The following NLRP4 variants were observed in gnomAD, a reference collection of about 807,000 sequenced individuals.
The protein encoded by NLRP4 is NACHT, LRR and PYD domains-containing protein 4.
In NLRP4, 44 loss-of-function variants were observed where a neutral mutation model predicts 84.7. The ratio of observed to expected loss-of-function variants is 0.52; its 90% CI spans 0.41 to 0.67. The LOEUF (loss-of-function observed/expected upper bound fraction) is 0.67. NLRP4 is among the 30% of genes least tolerant of loss of function. NLRP4 has a pLI of 0.00. For synonymous variants in NLRP4, 544 were observed against 476.4 expected (o/e 1.14, Z -1.85); for missense variants, 1,260 against 1,219.4 (o/e 1.03, Z -0.50).
chr19:55,866,901 G>A (rs1984976278), intron 5 of NLRP4, among the ~76,000 whole-genome samples: 1 of 152,128 alleles, frequency 6.6e-6, no homozygotes, highest in African/African-American at 2.4e-5. Context: ...GGACCCTTGT[G>A]GATCATGTTG....
chr19:55,858,556 C>A lies in NLRP4; in HGVS notation c.1163C>A (p.Pro388Gln), dbSNP rs756893701. 2 of 1,614,106 alleles carry A rather than the reference C, an allele frequency of 1.2e-6. No homozygotes were observed. Among genetic ancestry groups the A allele is most frequent in the Admixed American group, 1.7e-5 (1 of 60,014 alleles). The change falls in exon 3 of 10, where the codon CCG (proline) becomes CAG (glutamine). Residue 388 changes from proline (P) to glutamine (Q), a missense_variant. Pro to Gln is a moderately conservative substitution (Grantham distance 76). Transcript: ENST00000301295. The surrounding 1 kb of genome is among the most constrained non-coding windows in gnomAD (Gnocchi z 4.2). ...TTCACACCTGAGGGTGCCGAGGGCCCGACTCCGCAAACCCAGCACCAGCTG... is the reference window on the plus strand; with the variant it reads ...TTCACACCTGAGGGTGCCGAGGGCCAGACTCCGCAAACCCAGCACCAGCTG... Reference protein sequence around the residue: ...NLFTPEGAEGPTPQTQHQLKA... With the variant: ...NLFTPEGAEGQTPQTQHQLKA...
intron 1 of NLRP4, among the ~76,000 whole-genome samples, chr19:55,850,003 T>G (rs1416414023): frequency 8.1e-5 from 3 of 37,016 alleles, no homozygotes; most frequent in East Asian, 8.8e-4. Flanking sequence ...GACTGCGGTG[T>G]GATTTCCGAG....
At chr19:55,856,200 AC>A (rs1600228200) in intron 2 of NLRP4, among the ~76,000 whole-genome samples, 1 of 151,582 alleles carries the variant, frequency 6.6e-6, no homozygotes, top group East Asian at 2.0e-4. Flanking sequence ...CACCATGTTG[AC>A]CAGGCTGGTC....
chr19:55,850,820 G>GTGTAATTCCCGAGGCTGCGC (rs1984085394), intron 1 of NLRP4, among the ~76,000 whole-genome samples: 3 of 115,442 alleles, frequency 2.6e-5, no homozygotes, highest in South Asian at 2.7e-4. Context: ...CGAGGCTGCG[G>GTGTAATTCCCGAGGCTGCGC]TGTAATGTCC....
rs1985397755 is a variant in NLRP4, at chr19:55,877,001, T to C, written c.2531T>C (p.Val844Ala). 1.9e-6 allele frequency: 3 copies of C among 1,613,240 alleles called. No homozygotes were observed. The highest frequency in any genetic ancestry group is 1.7e-5 in the Admixed American group (1 of 59,998). Residue 844 changes from valine (V) to alanine (A), a missense_variant, in exon 8 of 10, where the codon GTA becomes GCA. By Grantham distance (64) the Val-to-Ala change is moderately conservative. This residue lies in a region of NLRP4 where 544 missense variants were observed against 531.7 expected (regional missense o/e 1.02). Transcript: ENST00000301295. Reference sequence around the variant, plus strand: ...GTACCCTTACTCCTTTGCAGTTTGGTAAAATGTTTTATCACTGCTGCTGGC... The same window carrying C: ...GTACCCTTACTCCTTTGCAGTTTGGCAAAATGTTTTATCACTGCTGCTGGC... ...PDCCLDSLCL[V>A]KCFITAAGCE... is the part of the protein sequence containing the mutation.
chr19:55,850,000 G>C (rs1282702797), intron 1 of NLRP4, among the ~76,000 whole-genome samples: 132 of 37,088 alleles, frequency 3.6e-3, no homozygotes, highest in African/African-American at 6.3e-3. Context: ...CGAGACTGCG[G>C]TGTGATTTCC....
rs1568658403 is a variant in NLRP4, at chr19:55,850,018, CGGTGTG to C, written c.-65-1997_-65-1992del. On this transcript the variant is annotated intron_variant, in intron 1 of 9. Coordinates refer to ENST00000301295, the MANE Select transcript of NLRP4 (RefSeq NM_134444.5). Reference sequence around the variant, plus strand: ...GACTGCGGTGTGATTTCCGAGACTGCGGTGTGATTTCCGAGACTGCGGTGTGATTTC... The same window carrying C: ...GACTGCGGTGTGATTTCCGAGACTGCATTTCCGAGACTGCGGTGTGATTTC... Among the ~76,000 whole-genome samples the C allele has an allele frequency of 4.9e-5, 6 of 123,180 alleles. 2 individuals are homozygous for C. The highest frequency in any genetic ancestry group is 2.2e-4 in the African/African-American group (5 of 22,856). The allele number at this position is 123,180 out of a possible 152,430, so 80.8% of individuals were successfully genotyped here. A position where few individuals can be genotyped will look rare whatever the true frequency, so the allele number is the denominator to read the frequency against.
intron 1 of NLRP4, among the ~76,000 whole-genome samples, chr19:55,841,803 TGCAGTGAGCCGAGATCGTAC>T (rs149513284): frequency 0.02 from 2,976 of 152,196 alleles, 99 homozygotes; most frequent in African/African-American, 0.068. Flanking sequence ...AGGCAGAGGT[TGCAGTGAGCCGAGATCGTAC>T]CACTGCACTC....
At chr19:55,849,829 C>T (rs1009731828) in intron 1 of NLRP4, among the ~76,000 whole-genome samples, 8 of 151,594 alleles carry the variant, frequency 5.3e-5, no homozygotes, top group East Asian at 1.9e-4. Flanking sequence ...GTGTAATTTC[C>T]GAAGCTGCGG....
intron 5 of NLRP4, among the ~76,000 whole-genome samples, chr19:55,865,123 TC>T (rs1182160185): frequency 1.4e-5 from 2 of 145,916 alleles, no homozygotes; most frequent in Non-Finnish European, 3.0e-5. Context: ...AGATTTTTCT[TC>T]CCCACCTTCT....
At chr19:55,849,957 G>A (rs1474255435) in intron 1 of NLRP4, among the ~76,000 whole-genome samples, 1 of 145,196 alleles carries the variant, frequency 6.9e-6, no homozygotes, top group East Asian at 2.0e-4. Flanking sequence ...TTCCGAGACT[G>A]CGGTGTAATT....
At chr19:55,851,981 T>A (rs111895688) in intron 1 of NLRP4, 35 bp from the exon 2 acceptor site, 10,922 of 836,268 alleles carry the variant, frequency 0.013, 127 homozygotes, top group African/African-American at 0.045. Flanking sequence ...TCCATTTATT[T>A]GTAATAACTT....
chr19:55,861,411 C>T lies in NLRP4; in HGVS notation c.1882C>T (p.His628Tyr), dbSNP rs148448492. 6.1e-5 allele frequency: 99 copies of T among 1,613,960 alleles called. No homozygotes were observed. In the Middle Eastern group the frequency reaches 6.6e-4, roughly 11 times the overall value. ...GTCGGATTACAGCCTCATCTGTTGG[C>T]ATCACATCTGCTCTGTGCTCACCAC... ...STSDYSLICWHHICSVLTTSG... is the reference protein window; with the variant it reads ...STSDYSLICWYHICSVLTTSG... Residue 628 changes from histidine to tyrosine, a missense_variant, in exon 4 of 10, where the codon CAT becomes TAT. His to Tyr is a moderately conservative substitution (Grantham distance 83). This residue lies in a region of NLRP4 where 544 missense variants were observed against 531.7 expected (regional missense o/e 1.02). Transcript: ENST00000301295.
intron 1 of NLRP4, among the ~76,000 whole-genome samples, chr19:55,845,340 C>CA (rs1293421526): frequency 6.7e-6 from 1 of 149,212 alleles, no homozygotes; most frequent in African/African-American, 2.5e-5. Flanking sequence ...TCCATGTCCC[C>CA]ACAAAGGACA....
chr19:55,855,928 A>G lies in NLRP4; in HGVS notation c.281-1746A>G, dbSNP rs577671386. The stretch of plus-strand genomic sequence containing the variant: ...AGAACTGTGGCTTTAGAAATACACC[A>G]CGACAGCTATGATTCAGAAATCGGG... On this transcript the variant is annotated intron_variant, in intron 2 of 9. Coordinates refer to ENST00000301295, the MANE Select transcript of NLRP4 (RefSeq NM_134444.5). 1.6e-4 allele frequency among the ~76,000 whole-genome samples: 25 copies of G among 152,320 alleles called. 1 individual carries two copies. The South Asian group carries it at 5.0e-3, about 30-fold the overall frequency.
chr19:55,861,674 GCAC>G, intron 4 of NLRP4, 127 bp downstream of exon 4: 1 of 840,446 alleles, frequency 1.2e-6, no homozygotes. Flanking sequence ...CTCAACCTCA[GCAC>G]TTACAGACAT....
chr19:55,847,319 T>C (rs1012764095), intron 1 of NLRP4, among the ~76,000 whole-genome samples: 2 of 152,348 alleles, frequency 1.3e-5, no homozygotes, highest in East Asian at 3.9e-4. Flanking sequence ...CTTTTTGTTT[T>C]TGAATTATGA....
In NLRP4 at chr19:55,858,603, G is replaced by T. The variant is rs1478146282; in HGVS notation, c.1210G>T (p.Ala404Ser). ...GCTGAAGGCCCTGTGCTCCCTGGCT[G>T]CAGAGGGTATGTGGACAGACACATT... The part of the protein sequence containing the change: ...HQLKALCSLA[A>S]EGMWTDTFEF... Residue 404 changes from alanine to serine, a missense_variant, in exon 3 of 10, where the codon GCA (alanine) becomes TCA (serine). Transcript: ENST00000301295. The surrounding 1 kb of genome is among the most constrained non-coding windows in gnomAD (Gnocchi z 4.2). 6.2e-7 allele frequency: 1 copy of T among 1,614,234 alleles called. No homozygotes were observed. The highest frequency in any genetic ancestry group is 8.5e-7 in the Non-Finnish European group (1 of 1,180,038).
intron 5 of NLRP4, among the ~76,000 whole-genome samples, chr19:55,863,375 G>A (rs1236841913): frequency 6.6e-6 from 1 of 152,218 alleles, no homozygotes; most frequent in Non-Finnish European, 1.5e-5. Context: ...TCTGAAGGAT[G>A]TACAGGCTTC....
Sources: gnomAD v4.1 joint callset for allele counts (sites outside exome capture counted in the v4.1 genomes callset) on GRCh38, gnomAD v4.1.1 for gene constraint, gnomAD v4.1.1 regional missense constraint, Gnocchi (gnomAD v3.1) non-coding constraint, MANE v1.5 for transcripts, NCBI Gene and HGNC (gene_info 2026-07-23, HGNC 2026-07-21) for gene names.